The following KCNT2 variants were observed in gnomAD, a reference collection of about 807,000 sequenced individuals.
KCNT2 encodes potassium channel subfamily T member 2.
In KCNT2, 67 loss-of-function variants were observed where a neutral mutation model predicts 153.8. The ratio of observed to expected loss-of-function variants is 0.44; its 90% CI spans 0.36 to 0.53. The LOEUF (loss-of-function observed/expected upper bound fraction) is 0.53, where lower values mean the gene tolerates loss of function less well. Ranked by LOEUF, KCNT2 falls within the 20% of genes least tolerant of loss-of-function variation. KCNT2 has a pLI of 0.00. For synonymous variants in KCNT2, 500 were observed against 458.8 expected (o/e 1.09, Z -1.15); for missense variants, 975 against 1,354.8 (o/e 0.72, Z 4.40).
chr1:196,348,354 C>T (rs528916329), intron 14 of KCNT2, among the ~76,000 whole-genome samples: 18 of 151,988 alleles, frequency 1.2e-4, no homozygotes, highest in Non-Finnish European at 2.1e-4. Context: ...GGAAGCTCAT[C>T]GAAAATTATG....
intron 16 of KCNT2, among the ~76,000 whole-genome samples, chr1:196,335,898 C>T (rs1664978463): frequency 6.6e-6 from 1 of 152,154 alleles, no homozygotes; most frequent in Non-Finnish European, 1.5e-5. Context: ...TTGTCTCTCT[C>T]ATTCCCTTGA....
intron 8 of KCNT2, among the ~76,000 whole-genome samples, chr1:196,448,588 C>A (rs1675889812): frequency 6.6e-6 from 1 of 151,418 alleles, no homozygotes; most frequent in East Asian, 1.9e-4. Context: ...ATACTTAATC[C>A]CGACTCTGTT....
intron 23 of KCNT2, 101 bp from the exon 24 acceptor site, chr1:196,282,457 G>C (rs1659202731): frequency 1.7e-6 from 1 of 576,572 alleles, no homozygotes; most frequent in Admixed American, 3.1e-5. Flanking sequence ...ACTTCTAAAA[G>C]ATTATTTCTC....
At chr1:196,305,910 A>C (rs561192538) in intron 21 of KCNT2, among the ~76,000 whole-genome samples, 28 of 152,230 alleles carry the variant, frequency 1.8e-4, no homozygotes, top group African/African-American at 6.7e-4. Context: ...GTTCCCCAAA[A>C]GTATCCTGAA....
In KCNT2 at chr1:196,467,784, T is replaced by A. The variant is rs748395925; in HGVS notation, c.462A>T (p.Ile154=). The A allele has an allele frequency of 1.3e-6, 2 of 1,595,560 alleles. No homozygotes were observed. Among genetic ancestry groups the A allele is most frequent in the East Asian group, 4.5e-5 (2 of 44,618 alleles). ...IINAVPFIIS[I]FWPSLRNLFV... ...ATAGATTCCTTAAGGAAGGCCAGAA[T>A]ATCTGGAAAACAAAACAAAACAAAA... The change falls in exon 7 of 28, where the codon ATA becomes ATT. Residue 154 remains isoleucine, a splice_region_variant and synonymous_variant. Coordinates refer to ENST00000294725, the MANE Select transcript of KCNT2 (RefSeq NM_198503.5).
At chr1:196,586,722 A>AAAC (rs941802990) in intron 1 of KCNT2, among the ~76,000 whole-genome samples, 1 of 143,606 alleles carries the variant, frequency 7.0e-6, no homozygotes, top group Non-Finnish European at 1.5e-5. Flanking sequence ...GGATTAAAAA[A>AAAC]AACAACAACA....
intron 13 of KCNT2, among the ~76,000 whole-genome samples, chr1:196,376,737 A>G (rs1669001895): frequency 6.6e-6 from 1 of 152,046 alleles, no homozygotes; most frequent in South Asian, 2.1e-4. Flanking sequence ...ATTAAAAAAG[A>G]AAGAAGGAGG....
chr1:196,583,133 C>G (rs1662266834), intron 1 of KCNT2, among the ~76,000 whole-genome samples: 1 of 151,978 alleles, frequency 6.6e-6, no homozygotes, highest in Non-Finnish European at 1.5e-5. Context: ...ATTAAAACAC[C>G]TCTCAAGAGT....
chr1:196,469,456 GT>G (rs149546769), intron 5 of KCNT2, among the ~76,000 whole-genome samples: 2,076 of 152,214 alleles, frequency 0.014, 38 homozygotes, highest in African/African-American at 0.048. Flanking sequence ...AAGTATATTA[GT>G]TTGTGAAACG....
chr1:196,443,883 CT>C (rs1675459944), intron 8 of KCNT2, among the ~76,000 whole-genome samples: 1 of 151,472 alleles, frequency 6.6e-6, no homozygotes, highest in Non-Finnish European at 1.5e-5. Context: ...TTAGCCATCC[CT>C]AGACATTAAT....
chr1:196,317,489 A>G (rs1280646684), intron 20 of KCNT2, among the ~76,000 whole-genome samples: 2 of 151,748 alleles, frequency 1.3e-5, no homozygotes, highest in Non-Finnish European at 2.9e-5. Context: ...CTTGTGGACC[A>G]TCAAAATGAC....
At chr1:196,600,464 T>C (rs1047168512) in intron 1 of KCNT2, among the ~76,000 whole-genome samples, 33 of 152,316 alleles carry the variant, frequency 2.2e-4, no homozygotes, top group African/African-American at 7.9e-4. Flanking sequence ...TTAAGAAAAC[T>C]ACAGTGACAA....
intron 27 of KCNT2, among the ~76,000 whole-genome samples, chr1:196,228,589 A>G (rs1378904330): frequency 6.6e-6 from 1 of 152,002 alleles, no homozygotes; most frequent in Non-Finnish European, 1.5e-5. Flanking sequence ...TTTCTTCTTC[A>G]TCTTTTTCCC....
chr1:196,248,594 C>G (rs781070375), intron 26 of KCNT2, among the ~76,000 whole-genome samples: 1 of 152,038 alleles, frequency 6.6e-6, no homozygotes, highest in Non-Finnish European at 1.5e-5. Flanking sequence ...AAGATTGAAA[C>G]ATGAAGAAAT....
At position 196,499,164 on chromosome 1, in the gene KCNT2, G is replaced by T. The variant is rs563539005; in HGVS notation, c.96-6823C>A. ...CCTGGGACTACTAGAACCTGGAAAAGACAAGGAAAGATCCTCTCCTAGAGC... is the reference window on the plus strand; with the variant it reads ...CCTGGGACTACTAGAACCTGGAAAATACAAGGAAAGATCCTCTCCTAGAGC... On this transcript the variant is annotated intron_variant, in intron 1 of 27. Coordinates refer to ENST00000294725, the MANE Select transcript of KCNT2 (RefSeq NM_198503.5). Among the ~76,000 whole-genome samples, 6 of 152,296 alleles carry T rather than the reference G, an allele frequency of 3.9e-5. No individual in the cohort carries two copies. The South Asian group carries it at 1.2e-3, about 32-fold the overall frequency.
chr1:196,358,007 A>C (rs554735272), intron 14 of KCNT2, among the ~76,000 whole-genome samples: 35 of 151,652 alleles, frequency 2.3e-4, no homozygotes, highest in African/African-American at 8.2e-4. Context: ...TTTATTTATT[A>C]CGACTCACAC....
At chr1:196,338,163 T>G (rs574579057) in intron 16 of KCNT2, among the ~76,000 whole-genome samples, 1 of 152,222 alleles carries the variant, frequency 6.6e-6, no homozygotes, top group East Asian at 1.9e-4. Context: ...AGTGATATTT[T>G]GACTAAGATA....
At chr1:196,290,549 T>C (rs533845538) in intron 22 of KCNT2, among the ~76,000 whole-genome samples, 16 of 151,946 alleles carry the variant, frequency 1.1e-4, no homozygotes, top group African/African-American at 2.9e-4. Flanking sequence ...TGTGTGTGTG[T>C]GTGTATATGT....
intron 22 of KCNT2, among the ~76,000 whole-genome samples, chr1:196,301,800 C>T (rs1376385946): frequency 6.6e-6 from 1 of 152,124 alleles, no homozygotes; most frequent in Non-Finnish European, 1.5e-5. Context: ...AGTGCAATGG[C>T]ACAATCTTGG....
Sources: gnomAD v4.1 joint callset for allele counts (sites outside exome capture counted in the v4.1 genomes callset) on GRCh38, gnomAD v4.1.1 for gene constraint, MANE v1.5 for transcripts, NCBI Gene and HGNC (gene_info 2026-07-23, HGNC 2026-07-21) for gene names.